Variants in MOSPD1 observed in about 807,000 individuals in gnomAD.
MOSPD1 encodes motile sperm domain-containing protein 1.
A neutral mutation model predicts 16.7 loss-of-function variants in MOSPD1; 5 were observed. The observed-to-expected ratio is 0.30, with a 90% CI of 0.16 to 0.63. The LOEUF is 0.63. Among genes scored for constraint, MOSPD1 ranks in the 30% least tolerant of loss-of-function variants. MOSPD1 has a pLI of 0.82. For missense variants in MOSPD1, 104 were observed against 153.6 expected, an observed-to-expected ratio of 0.68 and a Z score of 1.71; for synonymous variants, 67 against 59.2, an observed-to-expected ratio of 1.13 and a Z score of -0.61.
chrX:134,910,272 G>C (rs2082964153), intron 1 of MOSPD1, among the ~76,000 whole-genome samples: 1 of 110,914 alleles, frequency 9.0e-6, no homozygotes, highest in African/African-American at 3.3e-5. Context: ...GGGCATGGTG[G>C]CGGGCGCCTG....
intron 1 of MOSPD1, among the ~76,000 whole-genome samples, chrX:134,911,496 T>A (rs1465831939): frequency 3.6e-5 from 4 of 112,183 alleles, no homozygotes; most frequent in Non-Finnish European, 7.5e-5. Flanking sequence ...AAAAAAGTGG[T>A]CCTCATAGAA....
chrX:134,906,017 T>C (rs2082939276), intron 1 of MOSPD1, among the ~76,000 whole-genome samples: 1 of 111,339 alleles, frequency 9.0e-6, no homozygotes, highest in Non-Finnish European at 1.9e-5. Context: ...AAATTCTTTT[T>C]CTTTTAATTT....
At chrX:134,905,579 G>C (rs1246478430) in intron 1 of MOSPD1, among the ~76,000 whole-genome samples, 2 of 109,429 alleles carry the variant, frequency 1.8e-5, no homozygotes, top group African/African-American at 3.3e-5. Context: ...AAAAAATTAA[G>C]TAACAACTCT....
intron 5 of MOSPD1, 89 bp downstream of exon 5, chrX:134,891,390 G>GA: frequency 1.1e-6 from 1 of 909,335 alleles, no homozygotes; most frequent in Non-Finnish European, 1.5e-6. Context: ...CTGTTCTTTG[G>GA]GAAAAAAAAA....
intron 1 of MOSPD1, among the ~76,000 whole-genome samples, chrX:134,911,428 A>T (rs2082970971): frequency 8.9e-6 from 1 of 112,436 alleles, no homozygotes; most frequent in Admixed American, 9.5e-5. Flanking sequence ...TGTAACTGAA[A>T]TGGTTTTTAT....
At chrX:134,905,387 A>G (rs988297383) in intron 1 of MOSPD1, among the ~76,000 whole-genome samples, 15 of 106,300 alleles carry the variant, frequency 1.4e-4, no homozygotes, top group East Asian at 2.9e-4. Flanking sequence ...AAAAAAAAAA[A>G]GGGGAGATAA....
At chrX:134,904,512 A>C (rs1321975457) in intron 1 of MOSPD1, among the ~76,000 whole-genome samples, 4 of 112,104 alleles carry the variant, frequency 3.6e-5, no homozygotes, top group Non-Finnish European at 7.5e-5. Flanking sequence ...ATGTGAAACA[A>C]CATGGAACAG....
chrX:134,906,908 TAC>T (rs2082946223), intron 1 of MOSPD1, among the ~76,000 whole-genome samples: 1 of 111,461 alleles, frequency 9.0e-6, no homozygotes, highest in African/African-American at 3.3e-5. Flanking sequence ...CACTTCCTTA[TAC>T]AGTCATCCCT....
Position 134,896,941 on chromosome X carries a change from C to A in MOSPD1, c.324G>T (p.Leu108Phe), listed in dbSNP as rs748847532. The stretch of plus-strand genomic sequence containing the variant: ...GAGTAGCAACAACCTCTTTTCTTCC[C>A]AAAGCCTTCCTTTGGCTTTGCTCGG... Reference protein sequence around the residue: ...QVSEQSQRKALGRKEVVATLL... With the variant: ...QVSEQSQRKAFGRKEVVATLL... Residue 108 changes from leucine (L) to phenylalanine (F), a missense_variant, in exon 4 of 6, where the codon TTG becomes TTT. Physicochemically the swap from Leu to Phe is conservative, Grantham distance 22. Transcript: ENST00000370783. The A allele has an allele frequency of 8.3e-7, 1 of 1,210,187 alleles. No homozygotes were observed. The highest frequency in any genetic ancestry group is 2.2e-5 in the Admixed American group (1 of 45,937).
intron 5 of MOSPD1, among the ~76,000 whole-genome samples, chrX:134,890,070 A>C (rs1744862979): frequency 1.5e-5 from 1 of 68,886 alleles, no homozygotes; most frequent in African/African-American, 6.2e-5. Context: ...GCAAGACTTT[A>C]TCTCAAAAAA....
In MOSPD1 at chrX:134,888,813, T is replaced by A. The variant is rs1178223973; in HGVS notation, c.*348A>T. On this transcript the variant is annotated 3_prime_UTR_variant, in exon 6 of 6. Coordinates refer to ENST00000370783, the MANE Select transcript of MOSPD1 (RefSeq NM_019556.3). The stretch of plus-strand genomic sequence containing the variant: ...TAGGCCGGTCAGTTTGCTCTTTTAG[T>A]CCTGTAACTTCGAAGCATACATGAC... 8.6e-6 allele frequency: 1 copy of A among 116,120 alleles called. No homozygotes were observed. Among genetic ancestry groups the A allele is most frequent in the Non-Finnish European group, 1.8e-5 (1 of 56,139 alleles). 9.6% of individuals were successfully genotyped at this position (116,120 alleles called of 1,213,427 possible).
chrX:134,906,126 T>C (rs1693712619), intron 1 of MOSPD1, among the ~76,000 whole-genome samples: 1 of 109,591 alleles, frequency 9.1e-6, no homozygotes. Flanking sequence ...TAATAATTTT[T>C]GAGCAGTTTA....
chrX:134,888,369 G>A lies in MOSPD1; in HGVS notation c.*792C>T, dbSNP rs192468105. 3.6e-4 allele frequency: 40 copies of A among 111,554 alleles called. No homozygotes were observed. The highest frequency in any genetic ancestry group is 1.2e-3 in the African/African-American group (38 of 30,649). The allele number at this position is 111,554 out of a possible 1,213,427, so 9.2% of individuals were successfully genotyped here. ...GGGTAAGTCAGGCAGGGAGGGGCTT[G>A]GAAGAAAAGATAAAGTGATTTTTCC... On this transcript the variant is annotated 3_prime_UTR_variant, in exon 6 of 6. Transcript: ENST00000370783.
In MOSPD1 at chrX:134,894,477, A is replaced by G. The variant is rs1362192458; in HGVS notation, c.448+2340T>C. On this transcript the variant is annotated intron_variant, in intron 4 of 5. Transcript: ENST00000370783. ...AATCTCAATTAATTTTCAACATTTTAGTTCAGAAAAACTTAAAAACCTGAG... is the reference window on the plus strand; with the variant it reads ...AATCTCAATTAATTTTCAACATTTTGGTTCAGAAAAACTTAAAAACCTGAG... Among the ~76,000 whole-genome samples the G allele has an allele frequency of 3.6e-5, 4 of 112,159 alleles. No individual in the cohort carries two copies. In the Admixed American group the frequency reaches 3.8e-4, roughly 11 times the overall value.
chrX:134,904,375 T>A lies in MOSPD1; in HGVS notation c.-101-4841A>T, dbSNP rs1227458751. ...AACAACTACATGTGCCAAAATTAAA[T>A]GCACATAGCCTCAGTTCCAGAGATC... On this transcript the variant is annotated intron_variant, in intron 1 of 5. Coordinates refer to ENST00000370783, the MANE Select transcript of MOSPD1 (RefSeq NM_019556.3). Among the ~76,000 whole-genome samples the A allele has an allele frequency of 4.5e-5, 5 of 112,288 alleles. No homozygotes were observed. The South Asian group carries it at 1.8e-3, about 42-fold the overall frequency.
chrX:134,911,148 C>T (rs2082969277), intron 1 of MOSPD1, among the ~76,000 whole-genome samples: 1 of 112,189 alleles, frequency 8.9e-6, no homozygotes, highest in Non-Finnish European at 1.9e-5. Flanking sequence ...ACAAGTGTAA[C>T]CTACGATTTT....
chrX:134,892,604 T>C (rs778764667), intron 4 of MOSPD1, among the ~76,000 whole-genome samples: 6 of 112,477 alleles, frequency 5.3e-5, no homozygotes, highest in Non-Finnish European at 9.4e-5. Context: ...TTCTAAAAGA[T>C]TTTTAAAAAA....
At chrX:134,907,547 T>C (rs1263666213) in intron 1 of MOSPD1, among the ~76,000 whole-genome samples, 10 of 112,238 alleles carry the variant, frequency 8.9e-5, no homozygotes, top group Non-Finnish European at 1.7e-4. Context: ...AAAATTTTAC[T>C]CATTTTTCAA....
intron 1 of MOSPD1, among the ~76,000 whole-genome samples, chrX:134,904,250 A>G (rs182352257): frequency 1.1e-3 from 123 of 111,927 alleles, no homozygotes; most frequent in African/African-American, 4.0e-3. Flanking sequence ...CTATGACACA[A>G]TTTTTTACCT....
Sources: gnomAD v4.1 joint callset for allele counts (sites outside exome capture counted in the v4.1 genomes callset) on GRCh38, gnomAD v4.1.1 for gene constraint, MANE v1.5 for transcripts, NCBI Gene and HGNC (gene_info 2026-07-23, HGNC 2026-07-21) for gene names.